The following ANKFN1 variants were observed in gnomAD, a reference collection of about 807,000 sequenced individuals.
ANKFN1 encodes ankyrin repeat and fibronectin type-III domain-containing protein 1.
ANKFN1 carries 74 observed loss-of-function variants against 108.7 expected under a neutral mutation model. The observed-to-expected ratio is 0.68, with a 90% CI of 0.56 to 0.83. The LOEUF (loss-of-function observed/expected upper bound fraction) is 0.83. Ranked by LOEUF, ANKFN1 falls within the 40% of genes least tolerant of loss-of-function variation. The pLI, the probability that ANKFN1 is intolerant of heterozygous loss-of-function variation, is 0.00. For missense variants in ANKFN1, 1,505 were observed against 1,382.3 expected, an observed-to-expected ratio of 1.09 and a Z score of -1.41; for synonymous variants, 547 against 516.2, an observed-to-expected ratio of 1.06 and a Z score of -0.81.
upstream of ANKFN1, among the ~76,000 whole-genome samples, chr17:56,152,717 A>C (rs563265927): frequency 6.6e-6 from 1 of 152,188 alleles, no homozygotes; most frequent in Admixed American, 6.5e-5. Flanking sequence ...TAGGTGAGGA[A>C]TCAGGGTCCA....
At chr17:56,352,141 A>G (rs944611346) in intron 5 of ANKFN1, among the ~76,000 whole-genome samples, 1 of 152,186 alleles carries the variant, frequency 6.6e-6, no homozygotes, top group African/African-American at 2.4e-5. Flanking sequence ...GAGGCTCTTC[A>G]GTTTAGCAGA....
chr17:56,123,835 G>GAC (rs1318700481), intron 4 of ANKFN1, among the ~76,000 whole-genome samples: 23 of 133,610 alleles, frequency 1.7e-4, no homozygotes, highest in African/African-American at 5.0e-4. Context: ...GACAGAGAGA[G>GAC]ACACAGAGAG....
intron 1 of ANKFN1, among the ~76,000 whole-genome samples, chr17:56,200,289 C>T (rs80271237): frequency 0.082 from 12,429 of 152,162 alleles, 577 homozygotes; most frequent in South Asian, 0.14. Context: ...ATCACTTCAT[C>T]GTTTTATTAT....
chr17:56,347,155 A>G (rs1411691482), intron 4 of ANKFN1, among the ~76,000 whole-genome samples: 11 of 151,878 alleles, frequency 7.2e-5, no homozygotes, highest in African/African-American at 2.7e-4. Flanking sequence ...CTGTTTTAGT[A>G]TATGTTACTA....
At chr17:56,245,067 C>T (rs568971004) in intron 3 of ANKFN1, among the ~76,000 whole-genome samples, 95 of 152,200 alleles carry the variant, frequency 6.2e-4, no homozygotes, top group Non-Finnish European at 1.2e-3. Flanking sequence ...CTCCAAAAAA[C>T]CCTATTTTTA....
intron 3 of ANKFN1, among the ~76,000 whole-genome samples, chr17:56,301,116 C>T (rs1343057121): frequency 6.6e-6 from 1 of 152,152 alleles, no homozygotes; most frequent in African/African-American, 2.4e-5. Context: ...AGTTTCCTGT[C>T]ACTGAAAGGA....
intron 4 of ANKFN1, among the ~76,000 whole-genome samples, chr17:56,133,184 G>T (rs1907385559): frequency 6.6e-6 from 1 of 152,152 alleles, no homozygotes; most frequent in Non-Finnish European, 1.5e-5. Flanking sequence ...CTGTCATTAG[G>T]TGTATATATC....
intron 4 of ANKFN1, among the ~76,000 whole-genome samples, chr17:56,105,873 G>A (rs1302031133): frequency 2.6e-5 from 4 of 151,956 alleles, no homozygotes; most frequent in African/African-American, 7.3e-5. Flanking sequence ...CACCATTGGG[G>A]TGGTGAGAGG....
chr17:56,189,202 G>T (rs1253483553), intron 1 of ANKFN1, among the ~76,000 whole-genome samples: 1 of 78,000 alleles, frequency 1.3e-5, no homozygotes, highest in African/African-American at 1.3e-4. Context: ...ACGGAGTCTC[G>T]CTCTGTCGCC....
intron 8 of ANKFN1, among the ~76,000 whole-genome samples, chr17:56,377,695 A>G (rs1324172215): frequency 6.6e-6 from 1 of 152,158 alleles, no homozygotes. Context: ...TCATTTGCAG[A>G]TTATGTCATT....
intron 4 of ANKFN1, among the ~76,000 whole-genome samples, chr17:56,329,859 A>G (rs1015258713): frequency 3.9e-5 from 6 of 152,214 alleles, no homozygotes; most frequent in African/African-American, 1.4e-4. Context: ...TTAGTGCCCA[A>G]CCCCAGAGAG....
rs559623647 is a variant in ANKFN1, at chr17:56,475,741, C to A, written c.1774-1747C>A. On this transcript the variant is annotated intron_variant, in intron 15 of 20. Transcript: ENST00000682825. ...CATATCCATCACCTCACTTACTTAT[C>A]ATTTCTTTGTGGTAAGGCACCTGAA... Among the ~76,000 whole-genome samples the A allele has an allele frequency of 3.9e-5, 6 of 152,280 alleles. No homozygotes were observed. In the South Asian group the frequency reaches 1.2e-3, roughly 32 times the overall value.
intron 4 of ANKFN1, among the ~76,000 whole-genome samples, chr17:56,081,651 C>A (rs540971739): frequency 6.6e-6 from 1 of 152,290 alleles, no homozygotes; most frequent in South Asian, 2.1e-4. Flanking sequence ...CTGCACCTGG[C>A]CTGACTTAGG....
chr17:56,155,653 AT>A (rs1212286490), intron 1 of ANKFN1, among the ~76,000 whole-genome samples: 1 of 152,052 alleles, frequency 6.6e-6, no homozygotes, highest in East Asian at 1.9e-4. Context: ...GAGGCTCTTG[AT>A]TTGGGGAGTC....
At chr17:56,226,652 A>G (rs1016893107) in intron 2 of ANKFN1, among the ~76,000 whole-genome samples, 8 of 152,266 alleles carry the variant, frequency 5.3e-5, no homozygotes, top group Non-Finnish European at 1.2e-4. Flanking sequence ...TCATGGATTT[A>G]TCATATGTTC....
At chr17:56,263,757 C>A (rs1390182249) in intron 3 of ANKFN1, among the ~76,000 whole-genome samples, 1 of 152,208 alleles carries the variant, frequency 6.6e-6, no homozygotes, top group East Asian at 1.9e-4. Context: ...GGTCTTCAGG[C>A]TATACTTCCA....
At chr17:56,220,336 T>C (rs747603098) in intron 2 of ANKFN1, among the ~76,000 whole-genome samples, 9 of 152,202 alleles carry the variant, frequency 5.9e-5, no homozygotes, top group Non-Finnish European at 1.2e-4. Flanking sequence ...TTAAATATTG[T>C]ACTAGTCCAG....
intron 4 of ANKFN1, among the ~76,000 whole-genome samples, chr17:56,059,263 C>T (rs1202813031): frequency 6.6e-6 from 1 of 151,996 alleles, no homozygotes; most frequent in Non-Finnish European, 1.5e-5. Flanking sequence ...TATACTTTGC[C>T]CACTTTTTTT....
At chr17:56,395,242 G>A (rs1271244757) in intron 8 of ANKFN1, among the ~76,000 whole-genome samples, 1 of 152,178 alleles carries the variant, frequency 6.6e-6, no homozygotes, top group East Asian at 1.9e-4. Context: ...GGATTTTAAA[G>A]CACTTAGGGA....
Sources: allele counts gnomAD v4.1 joint callset (sites outside exome capture counted in the v4.1 genomes callset), GRCh38; gene constraint gnomAD v4.1.1; transcripts MANE v1.5; gene names NCBI Gene and HGNC (gene_info 2026-07-23, HGNC 2026-07-21).